Variants in NUDT3 observed in about 807,000 individuals in gnomAD.
NUDT3 encodes diphosphoinositol polyphosphate phosphohydrolase 1.
Under a neutral mutation model 23.6 loss-of-function variants are expected in NUDT3, and 9 were observed. That is an observed-to-expected ratio of 0.38 (90% CI 0.23 to 0.66). The LOEUF (loss-of-function observed/expected upper bound fraction) is 0.66, where lower values mean the gene tolerates loss of function less well. NUDT3 is among the 30% of genes least tolerant of loss of function. The pLI, the probability that NUDT3 is intolerant of heterozygous loss-of-function variation, is 0.52. For missense variants in NUDT3, 172 were observed against 218.5 expected, an observed-to-expected ratio of 0.79 and a Z score of 1.34; for synonymous variants, 86 against 82.6, an observed-to-expected ratio of 1.04 and a Z score of -0.22.
intron 2 of NUDT3, among the ~76,000 whole-genome samples, chr6:34,310,311 C>T (rs945005926): frequency 2.0e-5 from 3 of 151,930 alleles, no homozygotes; most frequent in Non-Finnish European, 1.5e-5. Context: ...AGGAGGATCA[C>T]TTGAGGTCAT....
chr6:34,324,912 T>C (rs1369803065), intron 2 of NUDT3, among the ~76,000 whole-genome samples: 4 of 152,140 alleles, frequency 2.6e-5, no homozygotes, highest in Non-Finnish European at 5.9e-5. Flanking sequence ...AGTGTTGAAT[T>C]ACACTCGGCC....
At chr6:34,367,211 G>A (rs1419230418) in intron 1 of NUDT3, among the ~76,000 whole-genome samples, 4 of 152,032 alleles carry the variant, frequency 2.6e-5, no homozygotes, top group Non-Finnish European at 1.5e-5. Context: ...GCCGGGCGCA[G>A]TGGCTCACGC....
intron 1 of NUDT3, among the ~76,000 whole-genome samples, chr6:34,370,584 G>C (rs1764811196): frequency 1.3e-5 from 2 of 152,294 alleles, no homozygotes; most frequent in South Asian, 4.1e-4. Context: ...TCACACACTG[G>C]TTGAGCCAAA....
chr6:34,341,827 G>A (rs376565606), intron 2 of NUDT3, 35 bp downstream of exon 2: 43 of 1,582,270 alleles, frequency 2.7e-5, no homozygotes, highest in South Asian at 3.4e-5. Context: ...TCATGATGAC[G>A]AGGCACAGCT....
intron 1 of NUDT3, among the ~76,000 whole-genome samples, chr6:34,352,114 A>T (rs1297307524): frequency 6.6e-6 from 1 of 152,182 alleles, no homozygotes; most frequent in Non-Finnish European, 1.5e-5. Flanking sequence ...TCTGAAAGCC[A>T]AATAAAGTGA....
intron 1 of NUDT3, among the ~76,000 whole-genome samples, chr6:34,379,740 C>T (rs1313567370): frequency 2.6e-5 from 4 of 150,982 alleles, no homozygotes; most frequent in South Asian, 2.1e-4. Flanking sequence ...CTAGGCCAGG[C>T]GCGGTGGTTC....
At chr6:34,376,435 T>C (rs866465879) in intron 1 of NUDT3, among the ~76,000 whole-genome samples, 5 of 152,092 alleles carry the variant, frequency 3.3e-5, no homozygotes, top group Non-Finnish European at 7.4e-5. Flanking sequence ...TGCACCACCA[T>C]GCACAGCTAA....
In NUDT3 at chr6:34,279,680, G is replaced by A. The variant is rs1763260468; in HGVS notation, c.*9073C>T. ...GAAGAGACCAGACACTAAAAGGGAT[G>A]TGTGTGAAATACTGGTTTTTATTGG... On this transcript the variant is annotated 3_prime_UTR_variant, in exon 5 of 5. Coordinates refer to ENST00000607016, the MANE Select transcript of NUDT3 (RefSeq NM_006703.4). 1 of 152,234 alleles carries A rather than the reference G, an allele frequency of 6.6e-6. No homozygotes were observed. Among genetic ancestry groups the A allele is most frequent in the African/African-American group, 2.4e-5 (1 of 41,456 alleles). The allele number at this position is 152,234 out of a possible 1,614,324, so 9.4% of individuals were successfully genotyped here. A position where few individuals can be genotyped will look rare whatever the true frequency, so the allele number is the denominator to read the frequency against.
chr6:34,284,064 T>G lies in NUDT3; in HGVS notation c.*4689A>C, dbSNP rs1763308415. ...CATATCCTGGAAGCCTCTGTAGCCT[T>G]GAGGAGATAGGCTCTATCCAACAGG... On this transcript the variant is annotated 3_prime_UTR_variant, in exon 5 of 5. Transcript: ENST00000607016. 1 of 152,160 alleles carries G rather than the reference T, an allele frequency of 6.6e-6. No homozygotes were observed. Among genetic ancestry groups the G allele is most frequent in the African/African-American group, 2.4e-5 (1 of 41,438 alleles). The allele number at this position is 152,160 out of a possible 1,614,324, so 9.4% of individuals were successfully genotyped here.
At chr6:34,366,647 T>G (rs1383141453) in intron 1 of NUDT3, among the ~76,000 whole-genome samples, 1 of 151,926 alleles carries the variant, frequency 6.6e-6, no homozygotes, top group African/African-American at 2.4e-5. Flanking sequence ...AGCCTCGACC[T>G]CCTGTGCTAA....
At chr6:34,297,760 A>ATATATATTTTT (rs1763535832) in intron 2 of NUDT3, among the ~76,000 whole-genome samples, 25 of 53,622 alleles carry the variant, frequency 4.7e-4, no homozygotes, top group South Asian at 6.7e-4. Context: ...TATATATATA[A>ATATATATTTTT]TTTTTTTTTT....
intron 2 of NUDT3, among the ~76,000 whole-genome samples, chr6:34,299,513 C>G (rs940021792): frequency 6.6e-6 from 1 of 152,072 alleles, no homozygotes; most frequent in South Asian, 2.1e-4. Flanking sequence ...CAGCCTTGAA[C>G]TCCTGGGCTC....
intron 1 of NUDT3, among the ~76,000 whole-genome samples, chr6:34,382,318 A>G (rs1765033275): frequency 6.6e-6 from 1 of 151,838 alleles, no homozygotes. Context: ...TGAGAGCATC[A>G]CTTGCGCCCG....
chr6:34,346,362 T>A (rs1764369547), intron 1 of NUDT3, among the ~76,000 whole-genome samples: 1 of 152,318 alleles, frequency 6.6e-6, no homozygotes, highest in Admixed American at 6.5e-5. Flanking sequence ...CTTCCCTTAC[T>A]TCCCGGTAAA....
At chr6:34,372,837 G>C (rs1322799253) in intron 1 of NUDT3, among the ~76,000 whole-genome samples, 3 of 151,762 alleles carry the variant, frequency 2.0e-5, no homozygotes, top group Non-Finnish European at 4.4e-5. Context: ...TGTGAGATTG[G>C]AGAAAAATAA....
intron 1 of NUDT3, among the ~76,000 whole-genome samples, chr6:34,373,528 G>A (rs1040544109): frequency 2.0e-5 from 3 of 152,036 alleles, no homozygotes; most frequent in Non-Finnish European, 2.9e-5. Context: ...AACTTATAAC[G>A]TAATGGGCTC....
At chr6:34,353,440 A>AT (rs11355875) in intron 1 of NUDT3, among the ~76,000 whole-genome samples, 53,042 of 143,054 alleles carry the variant, frequency 0.37, 12,299 homozygotes, top group Non-Finnish European at 0.52. Context: ...ACTCCCAAGT[A>AT]TTTTTTTTTT....
At chr6:34,295,595 G>C in intron 3 of NUDT3, 46 bp downstream of exon 3, 1 of 1,582,178 alleles carries the variant, frequency 6.3e-7, no homozygotes, top group Non-Finnish European at 8.7e-7. Flanking sequence ...ATATCTGTGT[G>C]GTTATTAATA....
intron 4 of NUDT3, among the ~76,000 whole-genome samples, chr6:34,292,536 T>C (rs2113693026): frequency 6.6e-6 from 1 of 152,240 alleles, no homozygotes; most frequent in Admixed American, 6.5e-5. Context: ...TGGGTGTACC[T>C]AAAGGGTACA....
Sources: allele counts gnomAD v4.1 joint callset (sites outside exome capture counted in the v4.1 genomes callset), GRCh38; gene constraint gnomAD v4.1.1; transcripts MANE v1.5; gene names NCBI Gene and HGNC (gene_info 2026-07-23, HGNC 2026-07-21).